Variants in DLG2 observed in about 807,000 individuals in gnomAD.
The protein encoded by DLG2 is disks large homolog 2.
Under a neutral mutation model 132.5 loss-of-function variants are expected in DLG2, and 45 were observed. That is an observed-to-expected ratio of 0.34 (90% CI 0.27 to 0.44). DLG2 has a LOEUF of 0.44. Among genes scored for constraint, DLG2 ranks in the 20% least tolerant of loss-of-function variants. The pLI is 1.00. For synonymous variants in DLG2, 424 were observed against 419.6 expected (o/e 1.01, Z -0.13); for missense variants, 1,045 against 1,196.9 (o/e 0.87, Z 1.87).
At chr11:84,981,714 C>T (rs199792185) in intron 6 of DLG2, among the ~76,000 whole-genome samples, 1 of 152,086 alleles carries the variant, frequency 6.6e-6, no homozygotes, top group Non-Finnish European at 1.5e-5. Flanking sequence ...AAAAGATGCT[C>T]TCATGACTAT....
intron 10 of DLG2, among the ~76,000 whole-genome samples, chr11:84,083,572 T>C (rs2089249866): frequency 6.6e-6 from 1 of 152,312 alleles, no homozygotes; most frequent in Admixed American, 6.5e-5. Context: ...AATGGATTAA[T>C]ATTATCATGA....
chr11:83,522,072 C>T (rs2095494712), intron 21 of DLG2, among the ~76,000 whole-genome samples: 1 of 152,180 alleles, frequency 6.6e-6, no homozygotes, highest in South Asian at 2.1e-4. Flanking sequence ...ATTGTGTGTG[C>T]CCATTGAATG....
At chr11:83,624,487 G>C (rs914904867) in intron 19 of DLG2, among the ~76,000 whole-genome samples, 48 of 152,334 alleles carry the variant, frequency 3.2e-4, no homozygotes, top group Admixed American at 1.4e-3. Flanking sequence ...ATCCCTGAAA[G>C]AGTAAGCATT....
chr11:83,720,430 C>G (rs1346716781), intron 18 of DLG2, among the ~76,000 whole-genome samples: 1 of 145,612 alleles, frequency 6.9e-6, no homozygotes. Context: ...GTATTGTGTT[C>G]TTTACCTTTT....
intron 11 of DLG2, among the ~76,000 whole-genome samples, chr11:83,998,899 G>T (rs994219374): frequency 6.6e-6 from 1 of 152,130 alleles, no homozygotes; most frequent in Admixed American, 6.5e-5. Flanking sequence ...CTTCAGCCAG[G>T]GCTCAGGCAT....
chr11:84,040,378 A>G (rs944394962), intron 11 of DLG2, among the ~76,000 whole-genome samples: 2 of 152,002 alleles, frequency 1.3e-5, no homozygotes, highest in Non-Finnish European at 1.5e-5. Flanking sequence ...TCTTTAATCC[A>G]TCTTGAATTG....
At chr11:84,952,522 G>C (rs10898337) in intron 6 of DLG2, among the ~76,000 whole-genome samples, 1 of 150,792 alleles carries the variant, frequency 6.6e-6, no homozygotes, top group Non-Finnish European at 1.5e-5. Flanking sequence ...GTCTCAAAAA[G>C]AAAAAGAATA....
intron 3 of DLG2, among the ~76,000 whole-genome samples, chr11:85,328,939 A>T (rs1398218816): frequency 1.7e-5 from 2 of 119,744 alleles, no homozygotes; most frequent in African/African-American, 6.5e-5. Flanking sequence ...TCAGGCTACA[A>T]AATCAATGTA....
chr11:84,400,499 C>T (rs1468129322), intron 7 of DLG2, among the ~76,000 whole-genome samples: 1 of 152,168 alleles, frequency 6.6e-6, no homozygotes, highest in Non-Finnish European at 1.5e-5. Context: ...GGCTTCAATG[C>T]TAATTTGTTT....
At chr11:84,722,367 T>G (rs1476506263) in intron 6 of DLG2, among the ~76,000 whole-genome samples, 3 of 152,146 alleles carry the variant, frequency 2.0e-5, no homozygotes, top group South Asian at 2.1e-4. Flanking sequence ...AGCCTCAATA[T>G]CATGGTATGC....
chr11:84,777,272 T>C lies in DLG2; in HGVS notation c.358-242541A>G, dbSNP rs1355888156. The stretch of plus-strand genomic sequence containing the variant: ...AGTATCCATTGTGTGTGTATGTATA[T>C]GTGTGTGTGTATATATATATATATA... On this transcript the variant is annotated intron_variant, in intron 6 of 27. Coordinates refer to ENST00000376104, the MANE Select transcript of DLG2 (RefSeq NM_001142699.3). Among the ~76,000 whole-genome samples the C allele has an allele frequency of 5.2e-5, 6 of 114,506 alleles. No homozygotes were observed. In the East Asian group the frequency reaches 9.3e-4, roughly 18 times the overall value. 75.1% of individuals were successfully genotyped at this position (114,506 alleles called of 152,430 possible).
chr11:84,852,788 T>C (rs1393463277), intron 6 of DLG2, among the ~76,000 whole-genome samples: 1 of 150,972 alleles, frequency 6.6e-6, no homozygotes, highest in Non-Finnish European at 1.5e-5. Context: ...AAAAGGGATT[T>C]GGCAGATATC....
intron 6 of DLG2, among the ~76,000 whole-genome samples, chr11:84,869,352 T>C (rs954895239): frequency 3.3e-5 from 5 of 152,198 alleles, no homozygotes; most frequent in African/African-American, 1.2e-4. Flanking sequence ...ATAGCTGGAT[T>C]CAATGGCTGA....
chr11:84,662,786 CA>C (rs752017709), intron 6 of DLG2, among the ~76,000 whole-genome samples: 22,082 of 80,168 alleles, frequency 0.28, 1,654 homozygotes, highest in African/African-American at 0.44. Flanking sequence ...GACTCTGTCA[CA>C]AAAAAAAAAA....
intron 16 of DLG2, among the ~76,000 whole-genome samples, chr11:83,873,038 C>T (rs2063782932): frequency 6.6e-6 from 1 of 152,152 alleles, no homozygotes; most frequent in African/African-American, 2.4e-5. Flanking sequence ...GGAAATTCTG[C>T]ACGATGTCTA....
chr11:85,563,028 C>T lies in DLG2; in HGVS notation c.40+35629G>A, dbSNP rs928227667. The stretch of plus-strand genomic sequence containing the variant: ...TAATTCCTCTGGTCACATTTATACT[C>T]AATTCAATATTGACTGAGCACCTGT... On this transcript the variant is annotated intron_variant, in intron 3 of 27. Transcript: ENST00000376104. Among the ~76,000 whole-genome samples the T allele has an allele frequency of 3.3e-5, 5 of 151,618 alleles. 1 individual carries two copies. The highest frequency in any genetic ancestry group is 5.9e-5 in the Non-Finnish European group (4 of 67,794).
intron 11 of DLG2, among the ~76,000 whole-genome samples, chr11:84,051,628 G>T (rs1026424803): frequency 7.3e-6 from 1 of 137,076 alleles, no homozygotes; most frequent in Non-Finnish European, 1.6e-5. Context: ...CTGTTGTGGG[G>T]TGGGGGAGGG....
intron 18 of DLG2, among the ~76,000 whole-genome samples, chr11:83,753,241 G>A (rs1314387754): frequency 1.3e-5 from 2 of 151,918 alleles, no homozygotes; most frequent in Non-Finnish European, 2.9e-5. Context: ...TGGCCAACAT[G>A]GAGAAACTCC....
chr11:84,336,862 A>G (rs528347207), intron 7 of DLG2, among the ~76,000 whole-genome samples: 4 of 152,332 alleles, frequency 2.6e-5, no homozygotes, highest in Non-Finnish European at 5.9e-5. Context: ...CTACAAATTG[A>G]GTATTCTTGC....
Sources: allele counts gnomAD v4.1 joint callset (sites outside exome capture counted in the v4.1 genomes callset), GRCh38; gene constraint gnomAD v4.1.1; transcripts MANE v1.5; gene names NCBI Gene and HGNC (gene_info 2026-07-23, HGNC 2026-07-21).